The following RAI14 variants were observed in gnomAD, a reference collection of about 807,000 sequenced individuals.
RAI14 encodes ankycorbin.
A neutral mutation model predicts 115.4 loss-of-function variants in RAI14; 45 were observed. The ratio of observed to expected loss-of-function variants is 0.39; its 90% CI spans 0.31 to 0.50. The LOEUF (loss-of-function observed/expected upper bound fraction) is 0.50, where lower values mean the gene tolerates loss of function less well. Among genes scored for constraint, RAI14 ranks in the 20% least tolerant of loss-of-function variants. The probability of loss-of-function intolerance (pLI) is 0.85; values close to 1 mark genes in which losing one functional copy is unlikely to be tolerated. For missense variants in RAI14, 939 were observed against 1,131.2 expected, an observed-to-expected ratio of 0.83 and a Z score of 2.44; for synonymous variants, 371 against 415.4, an observed-to-expected ratio of 0.89 and a Z score of 1.30.
intron 3 of RAI14, chr5:34,757,934 T>C (rs1580156129): frequency 5.9e-6 from 1 of 168,682 alleles, no homozygotes; most frequent in Non-Finnish European, 1.3e-5. Flanking sequence ...CCTTACTGTG[T>C]ATTTATCTTA....
intron 2 of RAI14, among the ~76,000 whole-genome samples, chr5:34,751,634 G>A (rs1471617952): frequency 1.3e-5 from 2 of 152,134 alleles, no homozygotes; most frequent in African/African-American, 4.8e-5. Context: ...ATTGCTGTGT[G>A]TTATTCTGTT....
At chr5:34,676,528 T>G (rs1168567327) in intron 1 of RAI14, among the ~76,000 whole-genome samples, 1 of 152,184 alleles carries the variant, frequency 6.6e-6, no homozygotes, top group Non-Finnish European at 1.5e-5. Context: ...GGAGGTAACC[T>G]TGGGACTTTT....
At position 34,823,432 on chromosome 5, in the gene RAI14, G is replaced by C; in HGVS notation, c.1590G>C (p.Glu530Asp). 6.2e-7 allele frequency: 1 copy of C among 1,614,106 alleles called. No homozygotes were observed. The highest frequency in any genetic ancestry group is 8.5e-7 in the Non-Finnish European group (1 of 1,180,030). ...TCCACGAGCTGAGGGTCACGGAAGA[G>C]GAAATAAATGTGCTAAAGCAGGATC... ...SHFHELRVTE[E>D]EINVLKQDLQ... The change falls in exon 15 of 18, where the codon GAG (glutamate) becomes GAC (aspartate). Residue 530 changes from glutamate to aspartate, a missense_variant. Glu to Asp is a conservative substitution (Grantham distance 45). Coordinates refer to ENST00000265109, the MANE Select transcript of RAI14 (RefSeq NM_015577.3). This position sits in a 1 kb window ranked among gnomAD's most constrained non-coding sequence, Gnocchi z 4.5.
chr5:34,798,348 T>TTG lies in RAI14; in HGVS notation c.256+2322_256+2323insGT, dbSNP rs1453540174. On this transcript the variant is annotated intron_variant, in intron 4 of 17. Transcript: ENST00000265109. ...GCCACCAAGCCCGGCCAGAATAAGTTTTTTTTTTTTTTTAATACATGCTTA... is the reference window on the plus strand; with the variant it reads ...GCCACCAAGCCCGGCCAGAATAAGTTTGTTTTTTTTTTTTTAATACATGCTTA... Among the ~76,000 whole-genome samples, 3 of 119,512 alleles carry TTG rather than the reference T, an allele frequency of 2.5e-5. No individual in the cohort carries two copies. The Admixed American group carries it at 2.9e-4, about 12-fold the overall frequency. The allele number at this position is 119,512 out of a possible 152,430, so 78.4% of individuals were successfully genotyped here.
intron 7 of RAI14, among the ~76,000 whole-genome samples, chr5:34,809,225 T>C (rs1366489938): frequency 3.3e-5 from 5 of 152,228 alleles, no homozygotes; most frequent in African/African-American, 1.2e-4. Context: ...AAATATCTCA[T>C]TTTTATTATT....
At chr5:34,681,674 T>C (rs569256797) in intron 1 of RAI14, among the ~76,000 whole-genome samples, 1 of 151,430 alleles carries the variant, frequency 6.6e-6, no homozygotes, top group East Asian at 2.0e-4. Flanking sequence ...AAAAAAATTT[T>C]TTTTTGTAGA....
chr5:34,796,208 A>G (rs1433279199), intron 4 of RAI14, among the ~76,000 whole-genome samples, 181 bp downstream of exon 4: 3 of 152,184 alleles, frequency 2.0e-5, no homozygotes, highest in East Asian at 3.9e-4. Context: ...CAGACTGGCC[A>G]ATATGGTTAA....
chr5:34,786,862 C>T (rs1752359852), intron 3 of RAI14, among the ~76,000 whole-genome samples: 1 of 152,146 alleles, frequency 6.6e-6, no homozygotes, highest in African/African-American at 2.4e-5. Context: ...GCCTTCAGAG[C>T]TGAGAGCCTT....
chr5:34,781,146 C>A (rs1751570988), intron 3 of RAI14, among the ~76,000 whole-genome samples: 1 of 147,706 alleles, frequency 6.8e-6, no homozygotes, highest in African/African-American at 2.5e-5. Flanking sequence ...ACCGCATGTT[C>A]TCACTTATAG....
chr5:34,686,345 A>AGGGGGGGGG (rs1744869418), intron 1 of RAI14: 1 of 65,030 alleles, frequency 1.5e-5, no homozygotes, highest in Non-Finnish European at 3.2e-5. Flanking sequence ...GGGATGTGGG[A>AGGGGGGGGG]GTGGGGGGTT....
chr5:34,704,319 T>A (rs561505855), intron 2 of RAI14, among the ~76,000 whole-genome samples: 13 of 152,366 alleles, frequency 8.5e-5, no homozygotes, highest in African/African-American at 2.9e-4. Flanking sequence ...GCTGTAGAGA[T>A]GAACACTTCC....
intron 3 of RAI14, among the ~76,000 whole-genome samples, chr5:34,790,560 A>G (rs1752798228): frequency 6.6e-6 from 1 of 152,168 alleles, no homozygotes; most frequent in Admixed American, 6.5e-5. Flanking sequence ...GCAATGATTC[A>G]CTACTTTATT....
chr5:34,788,335 C>A (rs911956002), intron 3 of RAI14, among the ~76,000 whole-genome samples: 1 of 152,094 alleles, frequency 6.6e-6, no homozygotes, highest in Admixed American at 6.6e-5. Context: ...AATAGAATCT[C>A]CCTCCTCTCC....
chr5:34,788,628 A>T (rs986119431), intron 3 of RAI14, among the ~76,000 whole-genome samples: 8 of 152,220 alleles, frequency 5.3e-5, no homozygotes, highest in African/African-American at 1.9e-4. Flanking sequence ...TATCAAAATG[A>T]TACCATACTT....
intron 2 of RAI14, among the ~76,000 whole-genome samples, chr5:34,701,246 A>G (rs555279078): frequency 6.6e-6 from 1 of 152,244 alleles, no homozygotes; most frequent in African/African-American, 2.4e-5. Context: ...GAGACAAGGA[A>G]GAAAATTAAA....
intron 2 of RAI14, among the ~76,000 whole-genome samples, chr5:34,742,655 TTTTTGTTTTG>T (rs1242723914): frequency 6.6e-6 from 1 of 151,952 alleles, no homozygotes; most frequent in Non-Finnish European, 1.5e-5. Context: ...TTTTTTGTTT[TTTTTGTTTTG>T]TTTTGTTTTG....
chr5:34,759,545 G>A (rs749462681), intron 3 of RAI14, among the ~76,000 whole-genome samples: 8 of 152,172 alleles, frequency 5.3e-5, no homozygotes, highest in Non-Finnish European at 1.0e-4. Context: ...GATCTAGGTT[G>A]TGAGCTCCTT....
intron 15 of RAI14, among the ~76,000 whole-genome samples, chr5:34,825,564 C>T (rs866352995): frequency 6.6e-6 from 1 of 152,092 alleles, no homozygotes; most frequent in Non-Finnish European, 1.5e-5. Context: ...CTACCCTCGC[C>T]GGTCCCTCCT....
chr5:34,815,165 G>A (rs1443686788), intron 12 of RAI14, among the ~76,000 whole-genome samples: 2 of 151,884 alleles, frequency 1.3e-5, no homozygotes, highest in Non-Finnish European at 2.9e-5. Flanking sequence ...GGTGGATCAC[G>A]AGGTCAAGAG....
Sources: allele counts gnomAD v4.1 joint callset (sites outside exome capture counted in the v4.1 genomes callset), GRCh38; gene constraint gnomAD v4.1.1; non-coding constraint Gnocchi (gnomAD v3.1); transcripts MANE v1.5; gene names NCBI Gene and HGNC (gene_info 2026-07-23, HGNC 2026-07-21).